The following EIF3B variants were observed in gnomAD, a reference collection of about 807,000 sequenced individuals.
EIF3B encodes the protein eukaryotic translation initiation factor 3 subunit 9.
In EIF3B, 10 loss-of-function variants were observed where a neutral mutation model predicts 104.6. The ratio of observed to expected loss-of-function variants is 0.10; its 90% CI spans 0.06 to 0.16. The LOEUF (loss-of-function observed/expected upper bound fraction) is 0.16, where lower values mean the gene tolerates loss of function less well. EIF3B is among the 10% of genes least tolerant of loss of function. The probability of loss-of-function intolerance (pLI) is 1.00; values close to 1 mark genes in which losing one functional copy is unlikely to be tolerated. For synonymous variants in EIF3B, 542 were observed against 417.2 expected (o/e 1.30, Z -3.65); for missense variants, 1,014 against 1,087.9 (o/e 0.93, Z 0.96).
intron 10 of EIF3B, among the ~76,000 whole-genome samples, chr7:2,370,535 T>C (rs1404347556): frequency 6.6e-6 from 1 of 152,176 alleles, no homozygotes; most frequent in African/African-American, 2.4e-5. Flanking sequence ...CTTCTTTCTT[T>C]TATGTTAAGA....
chr7:2,357,168 A>G (rs1369827825), intron 1 of EIF3B, among the ~76,000 whole-genome samples: 1 of 152,240 alleles, frequency 6.6e-6, no homozygotes, highest in African/African-American at 2.4e-5. Context: ...TCGAATTCAC[A>G]GATTTCTAAT....
chr7:2,362,926 G>C, intron 3 of EIF3B, 144 bp from the exon 4 acceptor site: 1 of 1,425,194 alleles, frequency 7.0e-7, no homozygotes, highest in Non-Finnish European at 9.7e-7. Context: ...CCACACTTCT[G>C]GCCTACAGCA....
At chr7:2,379,023 T>A in intron 16 of EIF3B, 111 bp from the exon 17 acceptor site, 2 of 895,648 alleles carry the variant, frequency 2.2e-6, no homozygotes, top group South Asian at 3.2e-5. Context: ...CATTCCTGCT[T>A]GAGTGCCTCT....
chr7:2,358,973 A>G (rs1030135514), intron 1 of EIF3B, among the ~76,000 whole-genome samples: 3 of 152,110 alleles, frequency 2.0e-5, no homozygotes, highest in Non-Finnish European at 4.4e-5. Context: ...AGTCCCTGCT[A>G]CTTGGGAGGC....
At chr7:2,360,248 ATTTAAATAT>A (rs1779658010) in intron 1 of EIF3B, among the ~76,000 whole-genome samples, 1 of 152,232 alleles carries the variant, frequency 6.6e-6, no homozygotes, top group South Asian at 2.1e-4. Context: ...TATATTGAGC[ATTTAAATAT>A]TTACTTGTTT....
intron 1 of EIF3B, among the ~76,000 whole-genome samples, chr7:2,355,812 G>A (rs978308699): frequency 2.0e-5 from 3 of 152,156 alleles, no homozygotes; most frequent in East Asian, 3.9e-4. Context: ...TGTCCCCAGA[G>A]CTGACCAGTC....
rs1169706851 is a variant in EIF3B at position 2,354,828 on chromosome 7, T to A, written c.-94T>A. On this transcript the variant is annotated 5_prime_UTR_variant, in exon 1 of 19. It removes an upstream start codon present in the reference 5' UTR. Transcript: ENST00000360876. The stretch of plus-strand genomic sequence containing the variant: ...GTGCGGCCTCCCCGTCGCACGCACA[T>A]GGCTGGGCTGTAGCCGTCGCGGCGC... The A allele has an allele frequency of 1.4e-5, 14 of 1,026,464 alleles. No homozygotes were observed. Among genetic ancestry groups the A allele is most frequent in the East Asian group, 8.3e-5 (1 of 12,110 alleles). 63.6% of individuals were successfully genotyped at this position (1,026,464 alleles called of 1,614,324 possible).
At chr7:2,370,761 T>C (rs1479427485) in intron 10 of EIF3B, among the ~76,000 whole-genome samples, 1 of 151,834 alleles carries the variant, frequency 6.6e-6, no homozygotes, top group Non-Finnish European at 1.5e-5. Context: ...TGAGACCCCA[T>C]CTCCACAGAT....
chr7:2,362,626 A>C lies in EIF3B; in HGVS notation c.693-19A>C, dbSNP rs905096445. The C allele has an allele frequency of 6.2e-7, 1 of 1,614,040 alleles. No homozygotes were observed. Among genetic ancestry groups the C allele is most frequent in the East Asian group, 2.2e-5 (1 of 44,882 alleles). ...AGCCTTACAGTGTGGGTATGTGCCA[A>C]CGGCCCTCTCTCACTCAGGTATATT... is the stretch of plus-strand genomic sequence containing the variant. On this transcript the variant is annotated intron_variant, in intron 2 of 18. Coordinates refer to ENST00000360876, the MANE Select transcript of EIF3B (RefSeq NM_001037283.2).
In EIF3B at chr7:2,355,107, G is replaced by A. The variant is rs1246627779; in HGVS notation, c.186G>A (p.Pro62=). 2 of 1,355,926 alleles carry A rather than the reference G, an allele frequency of 1.5e-6. No individual in the cohort carries two copies. The highest frequency in any genetic ancestry group is 1.9e-6 in the Non-Finnish European group (2 of 1,059,786). 84.0% of individuals were successfully genotyped at this position (1,355,926 alleles called of 1,614,324 possible). The change falls in exon 1 of 19, where the codon CCG becomes CCA. Residue 62 remains proline (P), a synonymous_variant. Coordinates refer to ENST00000360876, the MANE Select transcript of EIF3B (RefSeq NM_001037283.2). The stretch of plus-strand genomic sequence containing the variant: ...AGGTGGGGATCGCGGAGGCCGGGCC[G>A]GAGTCCGAGGTGAGGACCGAGCCGG... ...SEEVGIAEAG[P]ESEVRTEPAA... is the part of the protein sequence containing the mutation.
chr7:2,367,727 C>T (rs1780101637), intron 9 of EIF3B, among the ~76,000 whole-genome samples: 1 of 151,680 alleles, frequency 6.6e-6, no homozygotes, highest in African/African-American at 2.4e-5. Flanking sequence ...CTCAGCCTCC[C>T]AAAGTGCTGA....
chr7:2,356,160 A>C (rs756073190), intron 1 of EIF3B, among the ~76,000 whole-genome samples: 13 of 152,126 alleles, frequency 8.5e-5, no homozygotes, highest in Admixed American at 4.6e-4. Context: ...AGCTCTCTTA[A>C]GCCTTTAAGT....
chr7:2,374,617 G>A lies in EIF3B; in HGVS notation c.1889+11G>A, dbSNP rs1330121909. On this transcript the variant is annotated intron_variant, in intron 13 of 18. Transcript: ENST00000360876. ...GGCGGGCCTGAGGAGGTAGGTGTCT[G>A]CGCTCTGAGCCTGTCCGCCCTGTGA... The A allele has an allele frequency of 1.9e-6, 3 of 1,613,256 alleles. No individual in the cohort carries two copies. The highest frequency in any genetic ancestry group is 2.5e-6 in the Non-Finnish European group (3 of 1,179,388).
At chr7:2,359,581 G>C (rs1430424787) in intron 1 of EIF3B, among the ~76,000 whole-genome samples, 1 of 152,156 alleles carries the variant, frequency 6.6e-6, no homozygotes, top group African/African-American at 2.4e-5. Context: ...TAATAAGCTG[G>C]CAAACCTAGC....
Position 2,355,034 on chromosome 7 carries a change from C to A in EIF3B, c.113C>A (p.Ala38Glu), listed in dbSNP as rs1219687810. The A allele has an allele frequency of 1.9e-5, 23 of 1,196,758 alleles. No individual in the cohort carries two copies. The highest frequency in any genetic ancestry group is 2.4e-5 in the Non-Finnish European group (23 of 966,552). 74.1% of individuals were successfully genotyped at this position (1,196,758 alleles called of 1,614,324 possible). A position where few individuals can be genotyped will look rare whatever the true frequency, so the allele number is the denominator to read the frequency against. Residue 38 changes from alanine to glutamate, a missense_variant, in exon 1 of 19, where the codon GCG (alanine) becomes GAG (glutamate). Physicochemically the swap from Ala to Glu is moderately radical, Grantham distance 107. This residue lies in a region of EIF3B where 488 missense variants were observed against 404.3 expected (regional missense o/e 1.21). Coordinates refer to ENST00000360876, the MANE Select transcript of EIF3B (RefSeq NM_001037283.2). ...CCAGCCGAGGGGCTGCTGCGGCCCG[C>A]GGGGCCCGGCGCTCCGGAGGCCGCG... ...PPPAEGLLRP[A>E]GPGAPEAAGT...
At chr7:2,378,827 G>T (rs145191625) in intron 16 of EIF3B, 61 bp downstream of exon 16, 4 of 1,453,734 alleles carry the variant, frequency 2.8e-6, no homozygotes, top group African/African-American at 2.8e-5. Flanking sequence ...GCAAAGGCGG[G>T]GCTGCGGGGA....
At chr7:2,375,765 G>T (rs1780598130) in intron 14 of EIF3B, among the ~76,000 whole-genome samples, 1 of 152,182 alleles carries the variant, frequency 6.6e-6, no homozygotes, top group Non-Finnish European at 1.5e-5. Flanking sequence ...TCTTACCCTG[G>T]GCCCAGGGAC....
At chr7:2,379,044 C>T (rs1453107256) in intron 16 of EIF3B, 90 bp from the exon 17 acceptor site, 7 of 1,125,138 alleles carry the variant, frequency 6.2e-6, no homozygotes, top group South Asian at 2.8e-5. Context: ...GTATGCTGTC[C>T]TTCTGGCACC....
intron 9 of EIF3B, 71 bp from the exon 10 acceptor site, chr7:2,369,401 T>A (rs1189405524): frequency 6.6e-7 from 1 of 1,514,924 alleles, no homozygotes; most frequent in Non-Finnish European, 9.1e-7. Flanking sequence ...TGAGTTGTTC[T>A]ATTCTCTTCT....
Sources: gnomAD v4.1 joint callset for allele counts (sites outside exome capture counted in the v4.1 genomes callset) on GRCh38, gnomAD v4.1.1 for gene constraint, gnomAD v4.1.1 regional missense constraint, MANE v1.5 for transcripts, NCBI Gene and HGNC (gene_info 2026-07-23, HGNC 2026-07-21) for gene names.